PFKFB3: variants seen among roughly 807,000 people sequenced by gnomAD.
PFKFB3 encodes the protein 6-phosphofructo-2-kinase/fructose-2,6-biphosphatase 3, also known as 6-phosphofructo-2-kinase/fructose-2,6-bisphosphatase 3.
A neutral mutation model predicts 68.0 loss-of-function variants in PFKFB3; 33 were observed. That is an observed-to-expected ratio of 0.49 (90% CI 0.37 to 0.65). The LOEUF (loss-of-function observed/expected upper bound fraction) is 0.65, where lower values mean the gene tolerates loss of function less well. Among genes scored for constraint, PFKFB3 ranks in the 30% least tolerant of loss-of-function variants. The probability of loss-of-function intolerance (pLI) is 0.00; values close to 1 mark genes in which losing one functional copy is unlikely to be tolerated. For synonymous variants in PFKFB3, 315 were observed against 288.2 expected, an observed-to-expected ratio of 1.09 and a Z score of -0.94; for missense variants, 586 against 712.2, an observed-to-expected ratio of 0.82 and a Z score of 2.02.
the PFKFB3 span, among the ~76,000 whole-genome samples, chr10:6,319,341 T>A: frequency 6.6e-6 from 1 of 152,234 alleles, no homozygotes; most frequent in Non-Finnish European, 1.5e-5. Context: ...TGAAAAAGGA[T>A]CATGTCTTTT....
intron 1 of PFKFB3, among the ~76,000 whole-genome samples, chr10:6,145,475 C>T (rs1434283387): frequency 6.6e-6 from 1 of 152,312 alleles, no homozygotes; most frequent in East Asian, 1.9e-4. Context: ...CAGCCCCGGG[C>T]CGCAGATATA....
At chr10:6,245,268 T>C (rs981621360) in intron 14 of PFKFB3, among the ~76,000 whole-genome samples, 3 of 152,066 alleles carry the variant, frequency 2.0e-5, no homozygotes, top group African/African-American at 7.2e-5. Context: ...GGCTAATTTT[T>C]ATATTTTTAG....
At chr10:6,204,855 A>G (rs1034696851) in intron 1 of PFKFB3, among the ~76,000 whole-genome samples, 14 of 152,386 alleles carry the variant, frequency 9.2e-5, no homozygotes, top group Admixed American at 9.1e-4. Flanking sequence ...CTAGTCCCAC[A>G]TATGTAAATA....
intron 1 of PFKFB3, among the ~76,000 whole-genome samples, chr10:6,210,570 G>C (rs1303983656): frequency 1.6e-5 from 1 of 61,732 alleles, no homozygotes; most frequent in Admixed American, 1.7e-4. Context: ...ATGTTAGCCA[G>C]GATAGTCTTG....
chr10:6,182,258 C>T (rs1487568622), intron 1 of PFKFB3, among the ~76,000 whole-genome samples: 1 of 151,966 alleles, frequency 6.6e-6, no homozygotes, highest in Non-Finnish European at 1.5e-5. Context: ...CTTGCATATG[C>T]ATCCCCCCAA....
At chr10:6,267,030 A>C in the PFKFB3 span, among the ~76,000 whole-genome samples, 1 of 152,214 alleles carries the variant, frequency 6.6e-6, no homozygotes, top group Non-Finnish European at 1.5e-5. Context: ...TTCTCTTGTC[A>C]TGTTGTTTTT....
At chr10:6,290,421 T>C in the PFKFB3 span, among the ~76,000 whole-genome samples, 2 of 152,184 alleles carry the variant, frequency 1.3e-5, no homozygotes, top group Admixed American at 6.5e-5. Flanking sequence ...TGAAGCGTTG[T>C]TGAATTTTGT....
rs191985625 is a variant in PFKFB3 at position 6,219,795 on chromosome 10, A to T, written c.623+102A>T. On this transcript the variant is annotated intron_variant, in intron 7 of 14. Transcript: ENST00000379775. The stretch of plus-strand genomic sequence containing the variant: ...TTTGCTCCTGGATACCTTTAAAAAA[A>T]TTTTTTTAAGACAGTTTTTTTTGTA... 3.5e-3 allele frequency: 4,287 copies of T among 1,218,378 alleles called. 118 individuals carry two copies. The Admixed American group carries it at 0.057, about 16-fold the overall frequency. 75.5% of individuals were successfully genotyped at this position (1,218,378 alleles called of 1,614,324 possible). A position where few individuals can be genotyped will look rare whatever the true frequency, so the allele number is the denominator to read the frequency against.
At chr10:6,211,711 G>A (rs1588490131) in intron 1 of PFKFB3, among the ~76,000 whole-genome samples, 1 of 152,334 alleles carries the variant, frequency 6.6e-6, no homozygotes, top group Non-Finnish European at 1.5e-5. Context: ...AAAAGCATCT[G>A]TTTTCGAGGA....
chr10:6,266,686 C>A, the PFKFB3 span, among the ~76,000 whole-genome samples: 1 of 152,284 alleles, frequency 6.6e-6, no homozygotes, highest in Middle Eastern at 3.4e-3. Context: ...TAATTCAATG[C>A]AAATGTTCTT....
chr10:6,156,545 C>T (rs540177017), intron 1 of PFKFB3, among the ~76,000 whole-genome samples: 20 of 150,048 alleles, frequency 1.3e-4, no homozygotes, highest in Non-Finnish European at 2.7e-4. Flanking sequence ...TCTCGCTCTG[C>T]GGCCCAGGCT....
the PFKFB3 span, among the ~76,000 whole-genome samples, chr10:6,277,488 T>C: frequency 6.6e-6 from 1 of 152,188 alleles, no homozygotes; most frequent in Admixed American, 6.5e-5. Context: ...CCCGAAGTGC[T>C]GGGATTACAG....
chr10:6,256,169 C>G (rs1846492428), downstream of PFKFB3, among the ~76,000 whole-genome samples: 1 of 152,220 alleles, frequency 6.6e-6, no homozygotes, highest in South Asian at 2.1e-4. Flanking sequence ...TGAACCCACT[C>G]TATCTTCTGT....
chr10:6,236,402 G>A (rs1270573806), downstream of PFKFB3, among the ~76,000 whole-genome samples: 5 of 152,224 alleles, frequency 3.3e-5, no homozygotes, highest in East Asian at 1.9e-4. Flanking sequence ...GCTGGTATGC[G>A]TGACCAGCGT....
chr10:6,145,814 G>A (rs1302110253), intron 1 of PFKFB3, among the ~76,000 whole-genome samples: 1 of 150,856 alleles, frequency 6.6e-6, no homozygotes, highest in Non-Finnish European at 1.5e-5. Flanking sequence ...TCCGCCCTGC[G>A]TGCCAGAAAG....
In PFKFB3 at chr10:6,220,323, G is replaced by A. The variant is rs1844865085; in HGVS notation, c.624-335G>A. Among the ~76,000 whole-genome samples the A allele has an allele frequency of 6.6e-6, 1 of 151,964 alleles. No individual in the cohort carries two copies. The highest frequency in any genetic ancestry group is 6.6e-5 in the Admixed American group (1 of 15,254). On this transcript the variant is annotated intron_variant, in intron 7 of 14. Transcript: ENST00000379775. The surrounding 1 kb of genome is among the most constrained non-coding windows in gnomAD (Gnocchi z 4.1). ...TTGCTATGTTGCCCAGGCTGGTCTT[G>A]AACTTCTAGACTCAAGCAATCCTCT...
At chr10:6,172,227 G>C (rs546770153) in intron 1 of PFKFB3, among the ~76,000 whole-genome samples, 6 of 152,334 alleles carry the variant, frequency 3.9e-5, no homozygotes, top group Admixed American at 3.9e-4. Context: ...TGCAGCCCAC[G>C]TCGGGAGGGC....
chr10:6,317,119 G>A, the PFKFB3 span, among the ~76,000 whole-genome samples: 2 of 152,168 alleles, frequency 1.3e-5, no homozygotes, highest in African/African-American at 4.8e-5. Flanking sequence ...GAAGCCCATG[G>A]ACCCCACCTG....
intron 14 of PFKFB3, among the ~76,000 whole-genome samples, chr10:6,246,641 C>T (rs1185857813): frequency 6.6e-6 from 1 of 152,050 alleles, no homozygotes; most frequent in East Asian, 1.9e-4. Context: ...TGCGCCCGGC[C>T]TATTTTATGT....
Sources: gnomAD v4.1 joint callset for allele counts (sites outside exome capture counted in the v4.1 genomes callset) on GRCh38, gnomAD v4.1.1 for gene constraint, Gnocchi (gnomAD v3.1) non-coding constraint, MANE v1.5 for transcripts, NCBI Gene and HGNC (gene_info 2026-07-23, HGNC 2026-07-21) for gene names.